SIL1: variants seen among roughly 807,000 people sequenced by gnomAD.
SIL1 encodes the protein SIL1 nucleotide exchange factor.
A neutral mutation model predicts 49.1 loss-of-function variants in SIL1; 40 were observed. The ratio of observed to expected loss-of-function variants is 0.81; its 90% confidence interval spans 0.63 to 1.06. The LOEUF is 1.06. SIL1 is among the 50% of genes least tolerant of loss of function. The pLI is 0.00. For missense variants in SIL1, 500 were observed against 572.6 expected (o/e 0.87, Z 1.29); for synonymous variants, 253 against 250.8 (o/e 1.01, Z -0.08).
At chr5:138,993,679 G>A (rs972060570) in intron 7 of SIL1, among the ~76,000 whole-genome samples, 4 of 152,226 alleles carry the variant, frequency 2.6e-5, no homozygotes, top group African/African-American at 7.2e-5. Flanking sequence ...TAGCCATGTG[G>A]CAAGGAACTG....
intron 3 of SIL1, among the ~76,000 whole-genome samples, chr5:139,072,733 C>A (rs1433891469): frequency 6.6e-6 from 1 of 152,020 alleles, no homozygotes; most frequent in Non-Finnish European, 1.5e-5. Flanking sequence ...AACTAAAAAG[C>A]TTCTGCACAG....
chr5:139,163,329 T>G (rs2095280532), intron 1 of SIL1, among the ~76,000 whole-genome samples: 1 of 152,102 alleles, frequency 6.6e-6, no homozygotes, highest in Non-Finnish European at 1.5e-5. Flanking sequence ...TAAAACAGCT[T>G]AATTTCCCCA....
At chr5:139,016,180 T>C (rs531682575) in intron 7 of SIL1, among the ~76,000 whole-genome samples, 6 of 152,302 alleles carry the variant, frequency 3.9e-5, no homozygotes, top group African/African-American at 1.4e-4. Flanking sequence ...CCACAGGACT[T>C]GTTCACTAAG....
intron 3 of SIL1, among the ~76,000 whole-genome samples, chr5:139,079,183 G>A (rs1770018031): frequency 6.6e-6 from 1 of 152,176 alleles, no homozygotes; most frequent in Non-Finnish European, 1.5e-5. Flanking sequence ...GGCTTTGAGA[G>A]GCATGGTGGG....
chr5:138,977,772 G>A (rs565164881), intron 7 of SIL1, among the ~76,000 whole-genome samples: 38 of 152,180 alleles, frequency 2.5e-4, no homozygotes, highest in South Asian at 2.1e-3. Context: ...TGCCAACTTC[G>A]CCAACCTCAC....
chr5:139,122,443 A>G (rs1243823064), intron 2 of SIL1, among the ~76,000 whole-genome samples: 5 of 152,020 alleles, frequency 3.3e-5, no homozygotes, highest in Admixed American at 6.6e-5. Context: ...AAATACAAAA[A>G]AATTAGCCAG....
intron 1 of SIL1, among the ~76,000 whole-genome samples, chr5:139,164,884 T>C (rs572527805): frequency 9.2e-5 from 14 of 152,316 alleles, no homozygotes; most frequent in Middle Eastern, 3.4e-3. Flanking sequence ...ACCATGTATA[T>C]TGAGACTTAC....
intron 7 of SIL1, among the ~76,000 whole-genome samples, chr5:138,984,720 T>C (rs1767614252): frequency 6.6e-6 from 1 of 152,084 alleles, no homozygotes; most frequent in African/African-American, 2.4e-5. Context: ...CAAGTGGGAT[T>C]ACCAACCCCT....
intron 7 of SIL1, among the ~76,000 whole-genome samples, chr5:138,967,381 G>T (rs977750878): frequency 6.6e-6 from 1 of 152,136 alleles, no homozygotes; most frequent in African/African-American, 2.4e-5. Flanking sequence ...TTTCAGAACC[G>T]CTAGGCTAGA....
In SIL1 at chr5:138,948,748, G is replaced by A. The variant is rs1766693319; in HGVS notation, c.1030-1275C>T. Among the ~76,000 whole-genome samples, 1 of 152,192 alleles carries A rather than the reference G, an allele frequency of 6.6e-6. No homozygotes were observed. Among genetic ancestry groups the A allele is most frequent in the Non-Finnish European group, 1.5e-5 (1 of 68,034 alleles). On this transcript the variant is annotated intron_variant, in intron 9 of 9. Transcript: ENST00000394817. This position sits in a 1 kb window ranked among gnomAD's most constrained non-coding sequence, Gnocchi z 4.8. The stretch of plus-strand genomic sequence containing the variant: ...TGTGGTTTGAGTGTGTTCCCTAAAA[G>A]TTCAAGTGTTGGAAGCTTAATTCCC...
chr5:138,979,073 TA>T (rs201813452), intron 7 of SIL1, among the ~76,000 whole-genome samples: 8,717 of 151,756 alleles, frequency 0.057, 790 homozygotes, highest in African/African-American at 0.2. Context: ...AATTTTATTT[TA>T]TTTTTTTTTT....
chr5:138,981,831 C>CT lies in SIL1; in HGVS notation c.768-29948dup, dbSNP rs367641667. ...TCTCGCGTGCTCTCAATCTCTCTCT[C>CT]TTTTTTTTTTCTCTCTCTCAGCATT... On this transcript the variant is annotated intron_variant, in intron 7 of 9. Transcript: ENST00000394817. Among the ~76,000 whole-genome samples the CT allele has an allele frequency of 4.4e-3, 656 of 147,940 alleles. 3 individuals carry two copies. Among genetic ancestry groups the CT allele is most frequent in the African/African-American group, 0.014 (560 of 40,842 alleles).
At chr5:139,079,951 T>C (rs895573415) in intron 3 of SIL1, among the ~76,000 whole-genome samples, 2 of 152,162 alleles carry the variant, frequency 1.3e-5, no homozygotes, top group Non-Finnish European at 2.9e-5. Context: ...ATTCCTACTT[T>C]CTCTCATGTA....
At chr5:139,010,495 G>A (rs1429225273) in intron 7 of SIL1, among the ~76,000 whole-genome samples, 4 of 152,130 alleles carry the variant, frequency 2.6e-5, no homozygotes, top group Non-Finnish European at 5.9e-5. Flanking sequence ...GCTTTGTTCC[G>A]TTGCTGGTGA....
At chr5:139,015,336 AT>A (rs201602130) in intron 7 of SIL1, among the ~76,000 whole-genome samples, 2 of 151,686 alleles carry the variant, frequency 1.3e-5, no homozygotes, top group Non-Finnish European at 2.9e-5. Context: ...GATCAACAGG[AT>A]TTTTTTTTCA....
chr5:139,160,611 G>C (rs1751492807), intron 1 of SIL1, among the ~76,000 whole-genome samples: 1 of 152,194 alleles, frequency 6.6e-6, no homozygotes, highest in South Asian at 2.1e-4. Context: ...GGCCGAGGCA[G>C]GCAGACCACC....
intron 1 of SIL1, among the ~76,000 whole-genome samples, chr5:139,170,822 T>G (rs1424516324): frequency 1.7e-5 from 2 of 118,702 alleles, no homozygotes; most frequent in South Asian, 2.8e-4. Flanking sequence ...GGGAGGGAGG[T>G]GGGGGGGTCA....
chr5:138,951,178 G>A lies in SIL1; in HGVS notation c.1022C>T (p.Thr341Met), dbSNP rs372399027. ...GTGGGCCTGGGCACTCACCTTCTCC[G>A]TGACCAGGTCGTAGAGCAGTGTGAC... ...RVVTLLYDLV[T>M]EKMFAEEEAE... Residue 341 changes from threonine to methionine, a missense_variant, in exon 9 of 10, where the codon ACG (threonine) becomes ATG (methionine). Thr to Met is a moderately conservative substitution (Grantham distance 81). Coordinates refer to ENST00000394817, the MANE Select transcript of SIL1 (RefSeq NM_022464.5). 5.5e-5 allele frequency: 88 copies of A among 1,611,316 alleles called. No homozygotes were observed. Among genetic ancestry groups the A allele is most frequent in the East Asian group, 2.9e-4 (13 of 44,822 alleles).
chr5:138,959,937 C>A (rs10075780), intron 7 of SIL1, among the ~76,000 whole-genome samples: 6,266 of 152,300 alleles, frequency 0.041, 416 homozygotes, highest in African/African-American at 0.14. Flanking sequence ...GCCAGGGGGT[C>A]CCCAACATGG....
Sources: allele counts gnomAD v4.1 joint callset (sites outside exome capture counted in the v4.1 genomes callset), GRCh38; gene constraint gnomAD v4.1.1; non-coding constraint Gnocchi (gnomAD v3.1); transcripts MANE v1.5; gene names NCBI Gene and HGNC (gene_info 2026-07-23, HGNC 2026-07-21).